The following PSD3 variants were observed in gnomAD, a reference collection of about 807,000 sequenced individuals.
The protein encoded by PSD3 is PH and SEC7 domain-containing protein 3.
PSD3 carries 49 observed loss-of-function variants against 105.5 expected under a neutral mutation model. The observed-to-expected ratio is 0.46, with a 90% CI of 0.37 to 0.59. The LOEUF (loss-of-function observed/expected upper bound fraction) is 0.59. Among genes scored for constraint, PSD3 ranks in the 20% least tolerant of loss-of-function variants. PSD3 has a pLI of 0.00. For synonymous variants in PSD3, 557 were observed against 457.8 expected (o/e 1.22, Z -2.77); for missense variants, 1,561 against 1,263.8 (o/e 1.24, Z -3.57).
rs77894873 is a variant in PSD3, at chr8:18,659,803, A to G, written c.2173-4118T>C. 6.9e-3 allele frequency among the ~76,000 whole-genome samples: 1,051 copies of G among 152,312 alleles called. 4 individuals carry two copies. The highest frequency in any genetic ancestry group is 0.011 in the Non-Finnish European group (716 of 68,036). On this transcript the variant is annotated intron_variant, in intron 9 of 15. Coordinates refer to ENST00000327040, the MANE Select transcript of PSD3 (RefSeq NM_015310.4). ...CCATTTAGGACCAAAGGCATTTGTC[A>G]TGAGAATGGCTAAAACTGGAGGCAT...
At chr8:18,956,359 C>G (rs1384833430) in intron 1 of PSD3, among the ~76,000 whole-genome samples, 1 of 152,170 alleles carries the variant, frequency 6.6e-6, no homozygotes, top group Non-Finnish European at 1.5e-5. Flanking sequence ...TGGGGCCTGA[C>G]AGTCTGCATT....
intron 8 of PSD3, 114 bp downstream of exon 8, chr8:18,799,181 T>G (rs1810463519): frequency 1.1e-6 from 1 of 912,316 alleles, no homozygotes; most frequent in African/African-American, 1.7e-5. Flanking sequence ...TCACCTGCCA[T>G]GGGAACCATG....
At chr8:18,806,795 T>A (rs1346993598) in intron 4 of PSD3, among the ~76,000 whole-genome samples, 2 of 152,214 alleles carry the variant, frequency 1.3e-5, no homozygotes, top group African/African-American at 4.8e-5. Context: ...AATAACCATT[T>A]ACTGTCTAAA....
At chr8:18,598,727 A>G (rs1294497432) in intron 12 of PSD3, among the ~76,000 whole-genome samples, 1 of 152,194 alleles carries the variant, frequency 6.6e-6, no homozygotes, top group Non-Finnish European at 1.5e-5. Flanking sequence ...ATCAACCATC[A>G]GTTCCATTTC....
At chr8:18,810,213 C>T (rs1489118389) in intron 4 of PSD3, among the ~76,000 whole-genome samples, 1 of 152,186 alleles carries the variant, frequency 6.6e-6, no homozygotes, top group East Asian at 1.9e-4. Context: ...CTACCACTGT[C>T]TTGAATTCTG....
chr8:18,704,257 G>A (rs1357851478), intron 9 of PSD3, among the ~76,000 whole-genome samples: 1 of 152,206 alleles, frequency 6.6e-6, no homozygotes, highest in Admixed American at 6.5e-5. Context: ...GACTCTAAAT[G>A]AAGAATCTCC....
At chr8:18,591,487 A>G (rs969983241) in intron 12 of PSD3, among the ~76,000 whole-genome samples, 13 of 152,128 alleles carry the variant, frequency 8.5e-5, no homozygotes, top group African/African-American at 2.7e-4. Context: ...AGGGCTGAAG[A>G]AAGGTAGAGT....
At chr8:19,023,278 G>T (rs1827422437) in intron 1 of PSD3, among the ~76,000 whole-genome samples, 1 of 152,198 alleles carries the variant, frequency 6.6e-6, no homozygotes, top group East Asian at 1.9e-4. Context: ...TACGTGGCCA[G>T]CCAAATTTAA....
intron 8 of PSD3, among the ~76,000 whole-genome samples, chr8:18,779,753 T>C (rs1053378154): frequency 6.6e-6 from 1 of 152,184 alleles, no homozygotes; most frequent in Non-Finnish European, 1.5e-5. Context: ...AAAGTTCTCA[T>C]TGTTGATTTC....
At chr8:18,755,961 C>A (rs1563229317) in intron 9 of PSD3, among the ~76,000 whole-genome samples, 1 of 152,126 alleles carries the variant, frequency 6.6e-6, no homozygotes. Flanking sequence ...CGGAAACACG[C>A]CACGCACCTT....
intron 15 of PSD3, among the ~76,000 whole-genome samples, chr8:18,547,455 A>AG (rs1800515947): frequency 6.6e-6 from 1 of 152,148 alleles, no homozygotes; most frequent in Admixed American, 6.5e-5. Context: ...TTTCCCCTCA[A>AG]GGGGGTAGTC....
At chr8:18,837,497 G>T (rs1344173058) in intron 4 of PSD3, among the ~76,000 whole-genome samples, 1 of 152,336 alleles carries the variant, frequency 6.6e-6, no homozygotes, top group East Asian at 1.9e-4. Flanking sequence ...AACTAATCAT[G>T]CTTCTGCTCT....
Position 18,620,995 on chromosome 8 carries a change from A to G in PSD3, c.2410+11618T>C, listed in dbSNP as rs146219370. The stretch of plus-strand genomic sequence containing the variant: ...CAGTGAAAATAGAATAACCTCTAAA[A>G]ATCACATGCACAGTGAAAACTGAAC... On this transcript the variant is annotated intron_variant, in intron 11 of 15. Transcript: ENST00000327040. 2.9e-3 allele frequency among the ~76,000 whole-genome samples: 435 copies of G among 152,368 alleles called. 1 individual carries two copies. Among genetic ancestry groups the G allele is most frequent in the African/African-American group, 9.8e-3 (408 of 41,584 alleles).
intron 9 of PSD3, among the ~76,000 whole-genome samples, chr8:18,747,181 G>C (rs1444100877): frequency 2.0e-5 from 3 of 152,218 alleles, no homozygotes; most frequent in Non-Finnish European, 4.4e-5. Context: ...ACAAATTGGA[G>C]CTTGGCCTTT....
chr8:18,623,645 G>GAAAA (rs34586066), intron 11 of PSD3, among the ~76,000 whole-genome samples: 7 of 101,394 alleles, frequency 6.9e-5, no homozygotes, highest in South Asian at 3.0e-4. Flanking sequence ...CTCCATCTCA[G>GAAAA]AAAAAAAAAA....
At chr8:18,552,929 G>A (rs1339235206) in intron 15 of PSD3, among the ~76,000 whole-genome samples, 1 of 152,156 alleles carries the variant, frequency 6.6e-6, no homozygotes, top group Non-Finnish European at 1.5e-5. Context: ...TAAGATGGAA[G>A]TTTCCTTGCT....
intron 11 of PSD3, among the ~76,000 whole-genome samples, chr8:18,617,471 C>G (rs577652406): frequency 1.3e-5 from 2 of 152,280 alleles, no homozygotes; most frequent in South Asian, 4.2e-4. Flanking sequence ...GCGCAGGTAG[C>G]AGTGAGCCGA....
Position 18,840,491 on chromosome 8 carries a change from GAT to G in PSD3, c.1634+27181_1634+27182del, listed in dbSNP as rs142876522. On this transcript the variant is annotated intron_variant, in intron 4 of 15. Transcript: ENST00000327040. Reference sequence around the variant, plus strand: ...TCATTCAAAGCATTCAGACAAAAACGATAGTTAGTGTGTACTAAGCACTTCCG... The same window carrying G: ...TCATTCAAAGCATTCAGACAAAAACGAGTTAGTGTGTACTAAGCACTTCCG... Among the ~76,000 whole-genome samples the G allele has an allele frequency of 3.9e-3, 590 of 151,940 alleles. 6 individuals are homozygous for G. Among genetic ancestry groups the G allele is most frequent in the African/African-American group, 0.011 (469 of 41,562 alleles).
chr8:19,060,283 A>G (rs989452047), intron 1 of PSD3, among the ~76,000 whole-genome samples: 3 of 152,240 alleles, frequency 2.0e-5, no homozygotes, highest in Non-Finnish European at 2.9e-5. Flanking sequence ...AAACAGTTTT[A>G]GGAATATTTG....
Sources: gnomAD v4.1 joint callset for allele counts (sites outside exome capture counted in the v4.1 genomes callset) on GRCh38, gnomAD v4.1.1 for gene constraint, MANE v1.5 for transcripts, NCBI Gene and HGNC (gene_info 2026-07-23, HGNC 2026-07-21) for gene names.